The following TST variants were observed in gnomAD, a reference collection of about 807,000 sequenced individuals.
TST encodes the protein thiosulfate sulfurtransferase, also known as epididymis secretory sperm binding protein.
Under a neutral mutation model 20.4 loss-of-function variants are expected in TST, and 22 were observed. The observed-to-expected ratio is 1.08, with a 90% CI of 0.77 to 1.54. The LOEUF (loss-of-function observed/expected upper bound fraction) is 1.54. Ranked by LOEUF, TST falls within the 40% of genes most tolerant of loss-of-function variation. The pLI is 0.00. For missense variants in TST, 392 were observed against 405.2 expected, an observed-to-expected ratio of 0.97 and a Z score of 0.28; for synonymous variants, 187 against 173.8, an observed-to-expected ratio of 1.08 and a Z score of -0.60.
intron 2 of TST, among the ~76,000 whole-genome samples, chr22:37,015,231 G>C (rs528397059): frequency 6.6e-6 from 1 of 152,316 alleles, no homozygotes; most frequent in African/African-American, 2.4e-5. Context: ...CCCTTGCAGG[G>C]CTGCTGTAGG....
At position 37,011,163 on chromosome 22, in the gene TST, G is replaced by C. The variant is rs1922460239; in HGVS notation, c.758C>G (p.Thr253Ser). Residue 253 changes from threonine to serine, a missense_variant, in exon 3 of 3, where the codon ACC (threonine) becomes AGC (serine). Coordinates refer to ENST00000249042, the MANE Select transcript of TST (RefSeq NM_003312.6). ...GGCAGCCAAGGCCACGTGGCAGGCG[G>C]TGACTCCCTTGCGGCACGTGGCAAT... is the stretch of plus-strand genomic sequence containing the variant. ...PLIATCRKGV[T>S]ACHVALAAYL... 6.2e-7 allele frequency: 1 copy of C among 1,613,686 alleles called. No homozygotes were observed. The highest frequency in any genetic ancestry group is 8.5e-7 in the Non-Finnish European group (1 of 1,180,048).
Position 37,011,198 on chromosome 22 carries a change from C to T in TST, c.723G>A (p.Ser241=), listed in dbSNP as rs765802651. The change falls in exon 3 of 3, where the codon TCG becomes TCA. Residue 241 remains serine (S), a synonymous_variant. Transcript: ENST00000249042. The stretch of plus-strand genomic sequence containing the variant: ...TGCGGCACGTGGCAATGAGAGGCTG[C>T]GAGAGATCCACCTTCTTGGTCTGGA... ...ALFQTKKVDL[S]QPLIATCRKG... 2.6e-5 allele frequency: 42 copies of T among 1,613,656 alleles called. No homozygotes were observed. The East Asian group carries it at 7.4e-4, about 28-fold the overall frequency.
rs374228043 is a variant in TST, at chr22:37,011,232, C to T, written c.689G>A (p.Arg230His). ...DGFEKGPEELRALFQTKKVDL... is the reference protein window; with the variant it reads ...DGFEKGPEELHALFQTKKVDL... ...CACCTTCTTGGTCTGGAACAGAGCA[C>T]GGAGCTCTTCTGGGCCCTTCTCGAA... is the stretch of plus-strand genomic sequence containing the variant. Residue 230 changes from arginine (R) to histidine (H), a missense_variant, in exon 3 of 3, where the codon CGT (arginine) becomes CAT (histidine). Transcript: ENST00000249042. 1.9e-5 allele frequency: 30 copies of T among 1,613,850 alleles called. No individual in the cohort carries two copies. The highest frequency in any genetic ancestry group is 6.7e-5 in the East Asian group (3 of 44,886).
chr22:37,016,101 C>T (rs554800931), intron 2 of TST, among the ~76,000 whole-genome samples: 4 of 151,962 alleles, frequency 2.6e-5, no homozygotes, highest in South Asian at 4.2e-4. Context: ...GTACCACCAA[C>T]GCCTGGCTAA....
chr22:37,018,094 TG>T, intron 2 of TST, 43 bp downstream of exon 2: 1 of 1,432,080 alleles, frequency 7.0e-7, no homozygotes, highest in Non-Finnish European at 9.3e-7. Flanking sequence ...TATCCTTCCA[TG>T]GGGCAATACT....
In TST at chr22:37,019,139, C is replaced by T. The variant is rs1922848641; in HGVS notation, c.-22+261G>A. The T allele has an allele frequency of 3.0e-5, 5 of 167,896 alleles. No homozygotes were observed. The South Asian group carries it at 9.4e-4, about 31-fold the overall frequency. 10.4% of individuals were successfully genotyped at this position (167,896 alleles called of 1,614,324 possible). On this transcript the variant is annotated intron_variant, in intron 1 of 2. Transcript: ENST00000249042. ...CTTGGGCTTAGAATCCCCTTTCCTT[C>T]CAAGGCAGAGGGGGTGGGCGCACGG...
At chr22:37,013,732 G>C (rs1298154906) in intron 2 of TST, among the ~76,000 whole-genome samples, 1 of 152,186 alleles carries the variant, frequency 6.6e-6, no homozygotes, top group African/African-American at 2.4e-5. Flanking sequence ...CTACCAACGA[G>C]GAACAATGGA....
At chr22:37,017,095 C>T (rs1003367223) in intron 2 of TST, among the ~76,000 whole-genome samples, 16 of 152,196 alleles carry the variant, frequency 1.1e-4, no homozygotes, top group Non-Finnish European at 1.2e-4. Context: ...CAAGGAGGTG[C>T]CCAGAGACAA....
intron 2 of TST, 50 bp from the exon 3 acceptor site, chr22:37,011,375 T>C: frequency 6.4e-7 from 1 of 1,562,520 alleles, no homozygotes; most frequent in Non-Finnish European, 8.7e-7. Flanking sequence ...GGGTGGGGAC[T>C]AATGGGGCCT....
At chr22:37,015,210 CT>C (rs1922633548) in intron 2 of TST, among the ~76,000 whole-genome samples, 1 of 152,354 alleles carries the variant, frequency 6.6e-6, no homozygotes, top group East Asian at 1.9e-4. Flanking sequence ...CTACCTACCC[CT>C]GCCTGCCTCC....
rs1436117182 is a variant in TST, at chr22:37,018,555, C to T, written c.178G>A (p.Asp60Asn). The T allele has an allele frequency of 1.3e-6, 2 of 1,571,876 alleles. No individual in the cohort carries two copies. The highest frequency in any genetic ancestry group is 8.6e-7 in the Non-Finnish European group (1 of 1,158,700). The change falls in exon 2 of 3, where the codon GAC becomes AAC. Residue 60 changes from aspartate to asparagine, a missense_variant. Asp to Asn is a conservative substitution (Grantham distance 23, BLOSUM62 1). Transcript: ENST00000249042. Reference protein sequence around the residue: ...ERHVPGASFFDIEECRDTASP... With the variant: ...ERHVPGASFFNIEECRDTASP... Reference sequence around the variant, plus strand: ...GCCGTGTCCCGGCACTCTTCTATGTCAAAGAAAGAGGCGCCGGGTACGTGG... The same window carrying T: ...GCCGTGTCCCGGCACTCTTCTATGTTAAAGAAAGAGGCGCCGGGTACGTGG...
At chr22:37,017,731 C>G (rs959976082) in intron 2 of TST, among the ~76,000 whole-genome samples, 45 of 152,094 alleles carry the variant, frequency 3.0e-4, no homozygotes, top group Non-Finnish European at 8.8e-5. Context: ...TTCTGCGGGA[C>G]GAGAGAGGCC....
chr22:37,012,627 G>C (rs967373505), intron 2 of TST, among the ~76,000 whole-genome samples: 2 of 152,222 alleles, frequency 1.3e-5, no homozygotes, highest in East Asian at 3.8e-4. Context: ...CAGGGCAGGA[G>C]CAGGGTGGCA....
At chr22:37,015,275 AAAT>A (rs1220315077) in intron 2 of TST, among the ~76,000 whole-genome samples, 1 of 152,152 alleles carries the variant, frequency 6.6e-6, no homozygotes, top group Non-Finnish European at 1.5e-5. Flanking sequence ...AGCGTTCTGT[AAAT>A]AAAAGTGCTC....
intron 1 of TST, chr22:37,019,106 G>A: frequency 5.1e-6 from 1 of 194,544 alleles, no homozygotes; most frequent in Non-Finnish European, 1.0e-5. Flanking sequence ...GATGGGGGGC[G>A]ATGGCATCTT....
intron 2 of TST, among the ~76,000 whole-genome samples, chr22:37,016,745 A>G (rs564403470): frequency 5.3e-5 from 8 of 152,306 alleles, no homozygotes; most frequent in Non-Finnish European, 7.4e-5. Flanking sequence ...GTGCCAAATG[A>G]ACTTGAATCT....
intron 2 of TST, among the ~76,000 whole-genome samples, chr22:37,011,616 G>A (rs1324245170): frequency 6.6e-6 from 1 of 152,008 alleles, no homozygotes; most frequent in Non-Finnish European, 1.5e-5. Flanking sequence ...CTTTACCTTG[G>A]GCAAATCATT....
At chr22:37,019,469 G>T (rs541657082), upstream of TST, 1 of 150,100 alleles carries the variant, frequency 6.7e-6, no homozygotes, top group Admixed American at 6.6e-5. Context: ...ACCCCCGGCC[G>T]CAGCTCCCCA....
chr22:37,019,823 G>A, upstream of TST: 3 of 1,196,856 alleles, frequency 2.5e-6, no homozygotes, highest in Non-Finnish European at 3.1e-6. Flanking sequence ...AGGGGGCGCC[G>A]CGCCGCGGGG....
Sources: gnomAD v4.1 joint callset for allele counts (sites outside exome capture counted in the v4.1 genomes callset) on GRCh38, gnomAD v4.1.1 for gene constraint, MANE v1.5 for transcripts, NCBI Gene and HGNC (gene_info 2026-07-23, HGNC 2026-07-21) for gene names.